GMEB1: variants seen among roughly 807,000 people sequenced by gnomAD.
GMEB1 encodes the protein glucocorticoid modulatory element-binding protein 1.
GMEB1 carries 6 observed loss-of-function variants against 52.4 expected under a neutral mutation model. That is an observed-to-expected ratio of 0.11 (90% CI 0.06 to 0.23). GMEB1 has a LOEUF of 0.23. Ranked by LOEUF, GMEB1 falls within the 10% of genes least tolerant of loss-of-function variation. GMEB1 has a pLI of 1.00. For synonymous variants in GMEB1, 255 were observed against 244.9 expected (o/e 1.04, Z -0.38); for missense variants, 486 against 685.6 (o/e 0.71, Z 3.25).
Position 28,695,660 on chromosome 1 carries a change from C to T in GMEB1, c.441-1267C>T, listed in dbSNP as rs561280367. 8.6e-4 allele frequency among the ~76,000 whole-genome samples: 129 copies of T among 149,580 alleles called. No individual in the cohort carries two copies. In the Middle Eastern group the frequency reaches 0.01, roughly 12 times the overall value. On this transcript the variant is annotated intron_variant, in intron 5 of 9. Transcript: ENST00000373816. ...ATTATTTTAAAAAAATTTTTTCGGCCGGGCGCGGTGGCTCACGCCTGTAAT... is the reference window on the plus strand; with the variant it reads ...ATTATTTTAAAAAAATTTTTTCGGCTGGGCGCGGTGGCTCACGCCTGTAAT...
intron 5 of GMEB1, 109 bp from the exon 6 acceptor site, chr1:28,696,818 C>A: frequency 2.6e-6 from 2 of 781,916 alleles, no homozygotes; most frequent in Non-Finnish European, 3.9e-6. Flanking sequence ...TTAGGTTTCA[C>A]TAATCTACAC....
rs2124612198 is a variant in GMEB1, at chr1:28,718,681, TA to T, written c.*3910del. On this transcript the variant is annotated 3_prime_UTR_variant, in exon 10 of 10. Transcript: ENST00000373816. Reference sequence around the variant, plus strand: ...ATTTTATGCATTGAAAAACATTATTTAAGAATTGGTTCATAGGTTTCAGCAG... The same window carrying T: ...ATTTTATGCATTGAAAAACATTATTTAGAATTGGTTCATAGGTTTCAGCAG... 6.6e-6 allele frequency: 1 copy of T among 152,288 alleles called. No individual in the cohort carries two copies. Among genetic ancestry groups the T allele is most frequent in the Admixed American group, 6.5e-5 (1 of 15,288 alleles). 9.4% of individuals were successfully genotyped at this position (152,288 alleles called of 1,614,324 possible).
chr1:28,683,525 G>T, intron 1 of GMEB1, 58 bp from the exon 2 acceptor site: 1 of 1,406,392 alleles, frequency 7.1e-7, no homozygotes, highest in Non-Finnish European at 9.6e-7. Flanking sequence ...CACCATGCCC[G>T]GCCTGTTGAC....
intron 1 of GMEB1, among the ~76,000 whole-genome samples, chr1:28,678,963 T>C (rs1459304803): frequency 6.6e-6 from 1 of 152,102 alleles, no homozygotes; most frequent in Non-Finnish European, 1.5e-5. Context: ...CAGGCTGGAG[T>C]GCAGTGCCGT....
In GMEB1 at chr1:28,709,573, TA is replaced by T. The variant is rs1049375192; in HGVS notation, c.869-935del. On this transcript the variant is annotated intron_variant, in intron 8 of 9. Coordinates refer to ENST00000373816, the MANE Select transcript of GMEB1 (RefSeq NM_001319674.2). The stretch of plus-strand genomic sequence containing the variant: ...AGAACTATAAACAGATGCAAGATAT[TA>T]AAAAAAAAAAATTTTTTTGAGATGG... Among the ~76,000 whole-genome samples, 615 of 148,378 alleles carry T rather than the reference TA, an allele frequency of 4.1e-3. 6 individuals carry two copies. Among genetic ancestry groups the T allele is most frequent in the African/African-American group, 0.013 (543 of 40,668 alleles).
Position 28,673,445 on chromosome 1 carries a change from C to T in GMEB1, c.-31+4606C>T, listed in dbSNP as rs573919238. Among the ~76,000 whole-genome samples, 16 of 151,784 alleles carry T rather than the reference C, an allele frequency of 1.1e-4. 1 individual carries two copies. In the East Asian group the frequency reaches 1.6e-3, roughly 15 times the overall value. On this transcript the variant is annotated intron_variant, in intron 1 of 9. Transcript: ENST00000373816. ...CTAATTTTTGTATTTTTAGTAGAGA[C>T]GGGGTTTCACCATGTTGGCCAGGCT...
In GMEB1 at chr1:28,715,704, G is replaced by T. The variant is rs942631284; in HGVS notation, c.*931G>T. On this transcript the variant is annotated 3_prime_UTR_variant, in exon 10 of 10. Coordinates refer to ENST00000373816, the MANE Select transcript of GMEB1 (RefSeq NM_001319674.2). ...CGCCTCTGGAGATCTCCAAAAGTTA[G>T]TACCGTGAGTGCCATTTTGAGAAGA... 1.3e-5 allele frequency: 2 copies of T among 151,744 alleles called. No individual in the cohort carries two copies. The highest frequency in any genetic ancestry group is 4.8e-5 in the African/African-American group (2 of 41,250). The allele number at this position is 151,744 out of a possible 1,614,324, so 9.4% of individuals were successfully genotyped here. A position where few individuals can be genotyped will look rare whatever the true frequency, so the allele number is the denominator to read the frequency against.
chr1:28,696,793 T>C, intron 5 of GMEB1, 134 bp from the exon 6 acceptor site: 1 of 589,784 alleles, frequency 1.7e-6, no homozygotes, highest in Non-Finnish European at 2.8e-6. Flanking sequence ...TGCAACCTAA[T>C]GACTTCTAAC....
At chr1:28,682,092 TTAAAA>T (rs1433467205) in intron 1 of GMEB1, among the ~76,000 whole-genome samples, 3 of 152,114 alleles carry the variant, frequency 2.0e-5, no homozygotes, top group African/African-American at 7.2e-5. Context: ...TACTCATATA[TTAAAA>T]TAAATACAGT....
chr1:28,716,266 A>G lies in GMEB1; in HGVS notation c.*1493A>G, dbSNP rs1025848300. 1.1e-4 allele frequency: 16 copies of G among 152,186 alleles called. No individual in the cohort carries two copies. The highest frequency in any genetic ancestry group is 3.4e-4 in the African/African-American group (14 of 41,432). 9.4% of individuals were successfully genotyped at this position (152,186 alleles called of 1,614,324 possible). A position where few individuals can be genotyped will look rare whatever the true frequency, so the allele number is the denominator to read the frequency against. On this transcript the variant is annotated 3_prime_UTR_variant, in exon 10 of 10. Transcript: ENST00000373816. ...TGATGTAAATGGCTCTGGTTCTTAGACTGTGGCTGTCACAGGGATGGGGCT... is the reference window on the plus strand; with the variant it reads ...TGATGTAAATGGCTCTGGTTCTTAGGCTGTGGCTGTCACAGGGATGGGGCT...
At chr1:28,690,710 G>T (rs1266441073) in intron 3 of GMEB1, among the ~76,000 whole-genome samples, 2 of 152,198 alleles carry the variant, frequency 1.3e-5, no homozygotes, top group Non-Finnish European at 2.9e-5. Flanking sequence ...GTCGAGCGCA[G>T]TGGCTCACGC....
rs936784823 is a variant in GMEB1, at chr1:28,717,052, A to G, written c.*2279A>G. The G allele has an allele frequency of 2.6e-5, 4 of 152,018 alleles. No homozygotes were observed. Among genetic ancestry groups the G allele is most frequent in the Non-Finnish European group, 5.9e-5 (4 of 67,994 alleles). The allele number at this position is 152,018 out of a possible 1,614,324, so 9.4% of individuals were successfully genotyped here. A position where few individuals can be genotyped will look rare whatever the true frequency, so the allele number is the denominator to read the frequency against. Reference sequence around the variant, plus strand: ...TTTTTTTTTTTCTTTTTTATTTTTAAGAAGGCACCTTTCAGAAGCCATGTT... The same window carrying G: ...TTTTTTTTTTTCTTTTTTATTTTTAGGAAGGCACCTTTCAGAAGCCATGTT... On this transcript the variant is annotated 3_prime_UTR_variant, in exon 10 of 10. Coordinates refer to ENST00000373816, the MANE Select transcript of GMEB1 (RefSeq NM_001319674.2).
intron 7 of GMEB1, 71 bp downstream of exon 7, chr1:28,702,640 G>A (rs1006561981): frequency 1.6e-5 from 22 of 1,375,456 alleles, no homozygotes; most frequent in South Asian, 1.1e-4. Context: ...TTATGGACAC[G>A]GAAGACCTCT....
Position 28,717,698 on chromosome 1 carries a change from C to G in GMEB1, c.*2925C>G, listed in dbSNP as rs561120588. ...TAGGTTTTCTGTTGGTACATAAAAA[C>G]AAAATTGCTGTCTCAGACTGAATCT... On this transcript the variant is annotated 3_prime_UTR_variant, in exon 10 of 10. Transcript: ENST00000373816. 5.3e-5 allele frequency: 8 copies of G among 152,236 alleles called. No individual in the cohort carries two copies. Among genetic ancestry groups the G allele is most frequent in the Non-Finnish European group, 7.4e-5 (5 of 68,000 alleles). The allele number at this position is 152,236 out of a possible 1,614,324, so 9.4% of individuals were successfully genotyped here.
At chr1:28,696,048 G>GTTTATTTATTTA (rs886397087) in intron 5 of GMEB1, among the ~76,000 whole-genome samples, 7 of 88,620 alleles carry the variant, frequency 7.9e-5, no homozygotes, top group African/African-American at 2.4e-4. Flanking sequence ...TTTATTGTTT[G>GTTTATTTATTTA]TTTATTTATT....
At chr1:28,705,567 A>G (rs1389619048) in intron 8 of GMEB1, among the ~76,000 whole-genome samples, 1 of 148,262 alleles carries the variant, frequency 6.7e-6, no homozygotes, top group Non-Finnish European at 1.5e-5. Context: ...CTCCTGCCTT[A>G]GACTCCTGAG....
At chr1:28,692,058 T>C (rs1455646364) in intron 4 of GMEB1, among the ~76,000 whole-genome samples, 1 of 149,856 alleles carries the variant, frequency 6.7e-6, no homozygotes, top group Admixed American at 6.7e-5. Context: ...TTGCCCAGGC[T>C]AGAGTGCAGT....
At chr1:28,704,125 T>G in intron 7 of GMEB1, 67 bp from the exon 8 acceptor site, 8 of 1,341,480 alleles carry the variant, frequency 6.0e-6, no homozygotes, top group East Asian at 2.5e-5. Context: ...TTTAACGTTG[T>G]AGAGATTTGC....
At chr1:28,682,098 TA>T (rs1275181629) in intron 1 of GMEB1, among the ~76,000 whole-genome samples, 1 of 152,138 alleles carries the variant, frequency 6.6e-6, no homozygotes, top group Non-Finnish European at 1.5e-5. Context: ...TATATTAAAA[TA>T]AATACAGTGC....
Sources: allele counts gnomAD v4.1 joint callset (sites outside exome capture counted in the v4.1 genomes callset), GRCh38; gene constraint gnomAD v4.1.1; transcripts MANE v1.5; gene names NCBI Gene and HGNC (gene_info 2026-07-23, HGNC 2026-07-21).